The following C1orf185 variants were observed in gnomAD, a reference collection of about 807,000 sequenced individuals.
C1orf185 encodes uncharacterized protein C1orf185.
Under a neutral mutation model 16.1 loss-of-function variants are expected in C1orf185, and 13 were observed. The observed-to-expected ratio is 0.81, with a 90% confidence interval of 0.53 to 1.28. The LOEUF is 1.28. Ranked by LOEUF, C1orf185 falls within the 50% of genes most tolerant of loss-of-function variation. The pLI, the probability that C1orf185 is intolerant of heterozygous loss-of-function variation, is 0.00. For synonymous variants in C1orf185, 80 were observed against 76.9 expected, an observed-to-expected ratio of 1.04 and a Z score of -0.21; for missense variants, 220 against 225.2, an observed-to-expected ratio of 0.98 and a Z score of 0.15.
At position 51,108,671 on chromosome 1, in the gene C1orf185, C is replaced by T. The variant is rs12095442; in HGVS notation, c.17-3793C>T. On this transcript the variant is annotated intron_variant, in intron 1 of 4. Coordinates refer to ENST00000371759, the MANE Select transcript of C1orf185 (RefSeq NM_001136508.2). ...TTAAGCTCCCACATATGAATGAGAA[C>T]GTACAATTTTTGTCTTTCTGTTCCT... Among the ~76,000 whole-genome samples, 583 of 152,234 alleles carry T rather than the reference C, an allele frequency of 3.8e-3. 2 individuals are homozygous for T. Among genetic ancestry groups the T allele is most frequent in the African/African-American group, 0.013 (550 of 41,550 alleles).
At chr1:51,147,345 C>T (rs1027873375) in intron 4 of C1orf185, 122 bp from the exon 5 acceptor site, 2 of 814,574 alleles carry the variant, frequency 2.5e-6, no homozygotes, top group Non-Finnish European at 3.7e-6. Context: ...ACATATAACA[C>T]TGTGTGGATG....
rs936010254 is a variant in C1orf185 at position 51,147,916 on chromosome 1, T to C, written c.*145T>C. On this transcript the variant is annotated 3_prime_UTR_variant, in exon 5 of 5. Transcript: ENST00000371759. ...GCTTCTGAGTCTCTTAACATGTCCA[T>C]GCTAATATTGCTTTTTTTGTTCTTT... 3 of 703,902 alleles carry C rather than the reference T, an allele frequency of 4.3e-6. No individual in the cohort carries two copies. Among genetic ancestry groups the C allele is most frequent in the Non-Finnish European group, 6.6e-6 (3 of 457,010 alleles). 43.6% of individuals were successfully genotyped at this position (703,902 alleles called of 1,614,324 possible). A position where few individuals can be genotyped will look rare whatever the true frequency, so the allele number is the denominator to read the frequency against.
At chr1:51,147,189 A>G (rs1646406171) in intron 4 of C1orf185, among the ~76,000 whole-genome samples, 2 of 152,194 alleles carry the variant, frequency 1.3e-5, no homozygotes, top group Admixed American at 1.3e-4. Flanking sequence ...TATTTTTAAA[A>G]TAAGGCAATC....
At chr1:51,102,798 T>C (rs1020024366) in intron 1 of C1orf185, among the ~76,000 whole-genome samples, 5 of 152,088 alleles carry the variant, frequency 3.3e-5, no homozygotes, top group African/African-American at 9.7e-5. Flanking sequence ...TTTCAACTTG[T>C]AATTTGTATG....
chr1:51,118,199 C>G (rs756312598), intron 2 of C1orf185, among the ~76,000 whole-genome samples: 1 of 152,186 alleles, frequency 6.6e-6, no homozygotes, highest in Non-Finnish European at 1.5e-5. Flanking sequence ...GGATTACAGG[C>G]GTAAGCCACC....
intron 3 of C1orf185, among the ~76,000 whole-genome samples, chr1:51,135,869 C>G (rs762425414): frequency 5.3e-5 from 8 of 152,144 alleles, no homozygotes; most frequent in Non-Finnish European, 7.3e-5. Flanking sequence ...GTCAAACTAT[C>G]CCTGTGTGCA....
intron 3 of C1orf185, among the ~76,000 whole-genome samples, chr1:51,125,159 G>T (rs1646231315): frequency 6.6e-6 from 1 of 152,184 alleles, no homozygotes; most frequent in African/African-American, 2.4e-5. Flanking sequence ...GTGTAATCTA[G>T]AAAGTATAAA....
At chr1:51,115,758 G>C (rs1377273918) in intron 2 of C1orf185, among the ~76,000 whole-genome samples, 1 of 152,176 alleles carries the variant, frequency 6.6e-6, no homozygotes, top group Non-Finnish European at 1.5e-5. Context: ...AAAGCAGAGA[G>C]ACAAGTCTGG....
intron 2 of C1orf185, among the ~76,000 whole-genome samples, 187 bp downstream of exon 2, chr1:51,112,756 C>T (rs1436483465): frequency 1.3e-5 from 2 of 151,610 alleles, no homozygotes; most frequent in African/African-American, 4.8e-5. Context: ...AAAAGAAGTA[C>T]TGGTGATAGG....
intron 3 of C1orf185, among the ~76,000 whole-genome samples, chr1:51,143,286 T>C (rs988583380): frequency 2.6e-5 from 4 of 152,226 alleles, no homozygotes; most frequent in Non-Finnish European, 4.4e-5. Flanking sequence ...AACTAAACTG[T>C]AGCAAAATGG....
intron 3 of C1orf185, among the ~76,000 whole-genome samples, chr1:51,141,079 A>G (rs767121236): frequency 6.6e-6 from 1 of 152,222 alleles, no homozygotes; most frequent in Non-Finnish European, 1.5e-5. Flanking sequence ...GTATCTCAGT[A>G]AGGAGAAGTG....
At chr1:51,124,192 C>T (rs1420768148) in intron 3 of C1orf185, among the ~76,000 whole-genome samples, 1 of 151,680 alleles carries the variant, frequency 6.6e-6, no homozygotes, top group Non-Finnish European at 1.5e-5. Context: ...CGCCATTCTC[C>T]TGCCTCAGCC....
intron 2 of C1orf185, among the ~76,000 whole-genome samples, chr1:51,112,836 T>C (rs1646131363): frequency 6.6e-6 from 1 of 151,734 alleles, no homozygotes; most frequent in Non-Finnish European, 1.5e-5. Flanking sequence ...TTTTCTTTTC[T>C]TGAGACAGAG....
chr1:51,123,110 C>A (rs1232093285), intron 3 of C1orf185, among the ~76,000 whole-genome samples: 1 of 152,164 alleles, frequency 6.6e-6, no homozygotes, highest in Non-Finnish European at 1.5e-5. Flanking sequence ...CATAGGGCAT[C>A]ACATGGTGAA....
chr1:51,151,833 C>T (rs944178839), downstream of C1orf185, among the ~76,000 whole-genome samples: 4 of 151,734 alleles, frequency 2.6e-5, no homozygotes, highest in East Asian at 3.9e-4. Context: ...GGATTACAGG[C>T]GCCCACCACC....
intron 3 of C1orf185, 125 bp downstream of exon 3, chr1:51,118,926 CTAGT>C (rs1646178032): frequency 1.3e-6 from 1 of 743,080 alleles, no homozygotes; most frequent in Non-Finnish European, 1.9e-6. Context: ...GAGGGACAAA[CTAGT>C]TAGAGTTTAT....
At chr1:51,137,720 T>G (rs374375407) in intron 3 of C1orf185, among the ~76,000 whole-genome samples, 1 of 152,206 alleles carries the variant, frequency 6.6e-6, no homozygotes, top group East Asian at 1.9e-4. Context: ...CAAAGGAATA[T>G]AAATTGTTAG....
intron 1 of C1orf185, among the ~76,000 whole-genome samples, chr1:51,108,720 A>C (rs1398393333): frequency 2.6e-5 from 4 of 152,182 alleles, no homozygotes; most frequent in African/African-American, 7.2e-5. Flanking sequence ...TATGACTTCC[A>C]GTCCCATCCA....
intron 3 of C1orf185, among the ~76,000 whole-genome samples, chr1:51,131,619 AAG>A (rs987316697): frequency 6.6e-6 from 1 of 151,214 alleles, no homozygotes; most frequent in Non-Finnish European, 1.5e-5. Flanking sequence ...AGCAAAAAGA[AAG>A]AGAGAGAGAG....
Sources: gnomAD v4.1 joint callset for allele counts (sites outside exome capture counted in the v4.1 genomes callset) on GRCh38, gnomAD v4.1.1 for gene constraint, MANE v1.5 for transcripts, NCBI Gene and HGNC (gene_info 2026-07-23, HGNC 2026-07-21) for gene names.